TNKS: variants seen among roughly 807,000 people sequenced by gnomAD.
The protein encoded by TNKS is tankyrase, also known as poly [ADP-ribose] polymerase tankyrase-1.
TNKS carries 72 observed loss-of-function variants against 135.8 expected under a neutral mutation model. The observed-to-expected ratio is 0.53, with a 90% CI of 0.44 to 0.64. The LOEUF is 0.64. Among genes scored for constraint, TNKS ranks in the 30% least tolerant of loss-of-function variants. The pLI is 0.00. For synonymous variants in TNKS, 849 were observed against 649.3 expected, an observed-to-expected ratio of 1.31 and a Z score of -4.68; for missense variants, 1,769 against 1,674.0, an observed-to-expected ratio of 1.06 and a Z score of -0.99.
chr8:9,686,747 T>A (rs1803019329), intron 5 of TNKS, among the ~76,000 whole-genome samples: 1 of 152,130 alleles, frequency 6.6e-6, no homozygotes, highest in African/African-American at 2.4e-5. Context: ...TTTGGGGTCA[T>A]GGTATTGTGG....
At chr8:9,561,055 A>G (rs1797313851) in intron 1 of TNKS, among the ~76,000 whole-genome samples, 1 of 152,222 alleles carries the variant, frequency 6.6e-6, no homozygotes, top group African/African-American at 2.4e-5. Flanking sequence ...AAATGCTTAC[A>G]TAAATTATAA....
intron 1 of TNKS, among the ~76,000 whole-genome samples, chr8:9,572,565 C>G (rs1478541321): frequency 1.3e-5 from 2 of 152,150 alleles, no homozygotes; most frequent in Non-Finnish European, 2.9e-5. Flanking sequence ...GGGACTATCA[C>G]TATAGCAGAT....
At chr8:9,592,641 C>G (rs1028215823) in intron 2 of TNKS, among the ~76,000 whole-genome samples, 2 of 152,128 alleles carry the variant, frequency 1.3e-5, no homozygotes, top group African/African-American at 4.8e-5. Flanking sequence ...TAATCTTGTC[C>G]ACTTTCATAC....
intron 13 of TNKS, among the ~76,000 whole-genome samples, chr8:9,729,680 A>G (rs757806231): frequency 1.3e-5 from 2 of 151,816 alleles, no homozygotes; most frequent in African/African-American, 2.4e-5. Flanking sequence ...TTATCTGTAA[A>G]GTTAATTTAT....
At chr8:9,587,422 T>C (rs1323412358) in intron 2 of TNKS, among the ~76,000 whole-genome samples, 1 of 148,142 alleles carries the variant, frequency 6.8e-6, no homozygotes, top group Non-Finnish European at 1.5e-5. Flanking sequence ...TTTCTTCAAA[T>C]GGAGTCTCGC....
chr8:9,680,634 C>A, intron 4 of TNKS, 91 bp from the exon 5 acceptor site: 1 of 807,046 alleles, frequency 1.2e-6, no homozygotes, highest in South Asian at 1.6e-5. Flanking sequence ...CAAAGCAAAC[C>A]CATATTTTAC....
At chr8:9,731,207 C>G (rs1237439335) in intron 14 of TNKS, among the ~76,000 whole-genome samples, 172 bp downstream of exon 14, 2 of 152,150 alleles carry the variant, frequency 1.3e-5, no homozygotes, top group African/African-American at 4.8e-5. Context: ...CGCCTGTAAT[C>G]CCAGCACTTT....
chr8:9,627,540 A>ATTGCTTGCTTGCTTGC (rs36130596), intron 3 of TNKS, among the ~76,000 whole-genome samples: 23 of 148,342 alleles, frequency 1.6e-4, no homozygotes, highest in Non-Finnish European at 2.7e-4. Flanking sequence ...CTGTGGCAAA[A>ATTGCTTGCTTGCTTGC]TTGCTTGCTT....
intron 3 of TNKS, among the ~76,000 whole-genome samples, chr8:9,665,004 A>C (rs1292670918): frequency 1.3e-5 from 2 of 152,218 alleles, no homozygotes; most frequent in Non-Finnish European, 2.9e-5. Flanking sequence ...TTGGAACTAC[A>C]TCGTATAAGG....
rs1417168304 is a variant in TNKS, at chr8:9,778,180, C to G, written c.*1444C>G. On this transcript the variant is annotated 3_prime_UTR_variant, in exon 27 of 27. Transcript: ENST00000310430. The stretch of plus-strand genomic sequence containing the variant: ...GATCCTTTATAGTTCTTACACTTGC[C>G]CTTTTCACCTTAACTGAATATGAAT... The G allele has an allele frequency of 6.6e-6, 1 of 152,540 alleles. No individual in the cohort carries two copies. Among genetic ancestry groups the G allele is most frequent in the East Asian group, 1.9e-4 (1 of 5,180 alleles). 9.4% of individuals were successfully genotyped at this position (152,540 alleles called of 1,614,324 possible). A position where few individuals can be genotyped will look rare whatever the true frequency, so the allele number is the denominator to read the frequency against.
At chr8:9,717,172 C>G (rs1804657331) in intron 11 of TNKS, among the ~76,000 whole-genome samples, 1 of 144,644 alleles carries the variant, frequency 6.9e-6, no homozygotes, top group South Asian at 2.2e-4. Context: ...TCAAGTTCAG[C>G]TAGCAAATAG....
chr8:9,755,677 A>T (rs1806797550), intron 20 of TNKS, among the ~76,000 whole-genome samples: 1 of 152,196 alleles, frequency 6.6e-6, no homozygotes, highest in Admixed American at 6.5e-5. Context: ...GTGAGGGTGC[A>T]TGCATTGAAC....
rs71201959 is a variant in TNKS, at chr8:9,649,878, C to CTTTTTTTTTTTTTTT, written c.995-30058_995-30044dup. On this transcript the variant is annotated intron_variant, in intron 3 of 26. Transcript: ENST00000310430. ...CACAGTTCTTTCTTTCTTTTCTTTT[C>CTTTTTTTTTTTTTTT]TTTTTTTTTTTTTTTTTTTTTTTTT... Among the ~76,000 whole-genome samples the CTTTTTTTTTTTTTTT allele has an allele frequency of 2.4e-4, 20 of 83,364 alleles. 1 individual carries two copies. Among genetic ancestry groups the CTTTTTTTTTTTTTTT allele is most frequent in the African/African-American group, 9.6e-4 (18 of 18,764 alleles). The allele number at this position is 83,364 out of a possible 152,430, so 54.7% of individuals were successfully genotyped here. A position where few individuals can be genotyped will look rare whatever the true frequency, so the allele number is the denominator to read the frequency against.
chr8:9,644,612 G>A (rs561476669), intron 3 of TNKS, among the ~76,000 whole-genome samples: 2 of 152,154 alleles, frequency 1.3e-5, no homozygotes, highest in African/African-American at 2.4e-5. Flanking sequence ...CTAGTGGCTG[G>A]CATAATTTAA....
intron 20 of TNKS, among the ~76,000 whole-genome samples, chr8:9,759,298 C>G (rs560771338): frequency 6.6e-6 from 1 of 152,320 alleles, no homozygotes; most frequent in East Asian, 1.9e-4. Flanking sequence ...GCCACAGTCT[C>G]TTTATTACCT....
At chr8:9,625,158 T>A (rs910504082) in intron 3 of TNKS, among the ~76,000 whole-genome samples, 6 of 152,118 alleles carry the variant, frequency 3.9e-5, no homozygotes, top group African/African-American at 1.4e-4. Flanking sequence ...TAGTTATTTA[T>A]GTCTTTCAAG....
At chr8:9,696,652 A>G (rs1585340288) in intron 5 of TNKS, among the ~76,000 whole-genome samples, 1 of 152,192 alleles carries the variant, frequency 6.6e-6, no homozygotes, top group African/African-American at 2.4e-5. Flanking sequence ...TCTATACACC[A>G]TGAGCATCCA....
chr8:9,770,134 G>T lies in TNKS; in HGVS notation c.3769G>T (p.Gly1257Trp). 6.2e-7 allele frequency: 1 copy of T among 1,613,078 alleles called. No individual in the cohort carries two copies. Among genetic ancestry groups the T allele is most frequent in the Non-Finnish European group, 8.5e-7 (1 of 1,179,856 alleles). The stretch of plus-strand genomic sequence containing the variant: ...AATGCTCTTCTGTAGAGTGACCCTT[G>T]GGAAATCCTTTCTGCAGTTTAGCAC... Reference protein sequence around the residue: ...RQMLFCRVTLGKSFLQFSTMK... With the variant: ...RQMLFCRVTLWKSFLQFSTMK... Residue 1257 changes from glycine to tryptophan, a missense_variant, in exon 26 of 27, where the codon GGG becomes TGG. Physicochemically the swap from Gly to Trp is radical, Grantham distance 184 (BLOSUM62 -2). Around this residue, in one of 5 missense-constraint regions of TNKS, gnomAD observed 722 missense variants for 688.9 expected, o/e 1.05. Coordinates refer to ENST00000310430, the MANE Select transcript of TNKS (RefSeq NM_003747.3).
intron 3 of TNKS, among the ~76,000 whole-genome samples, chr8:9,643,689 A>T (rs1011780175): frequency 2.0e-5 from 3 of 152,154 alleles, no homozygotes; most frequent in Non-Finnish European, 4.4e-5. Context: ...AAAATGGTGT[A>T]AGCACTATGG....
Sources: gnomAD v4.1 joint callset for allele counts (sites outside exome capture counted in the v4.1 genomes callset) on GRCh38, gnomAD v4.1.1 for gene constraint, gnomAD v4.1.1 regional missense constraint, MANE v1.5 for transcripts, NCBI Gene and HGNC (gene_info 2026-07-23, HGNC 2026-07-21) for gene names.